NAALADL2: variants seen among roughly 807,000 people sequenced by gnomAD.
The protein encoded by NAALADL2 is N-acetylated alpha-linked acidic dipeptidase like 2, also known as inactive N-acetylated-alpha-linked acidic dipeptidase-like protein 2.
A neutral mutation model predicts 87.2 loss-of-function variants in NAALADL2; 76 were observed. That is an observed-to-expected ratio of 0.87 (90% CI 0.72 to 1.05). NAALADL2 has a LOEUF of 1.05. Ranked by LOEUF, NAALADL2 falls within the 50% of genes least tolerant of loss-of-function variation. The pLI is 0.00. For missense variants in NAALADL2, 1,089 were observed against 945.8 expected, an observed-to-expected ratio of 1.15 and a Z score of -1.99; for synonymous variants, 354 against 331.0, an observed-to-expected ratio of 1.07 and a Z score of -0.75.
At chr3:175,013,119 T>TATGTATTATATATTTATATATAAATA (rs1553916747) in intron 1 of NAALADL2, among the ~76,000 whole-genome samples, 1 of 23,592 alleles carries the variant, frequency 4.2e-5, no homozygotes, top group African/African-American at 1.7e-4. Flanking sequence ...TATATATAAA[T>TATGTATTATATATTTATATATAAATA]ATACATATTT....
intron 3 of NAALADL2, among the ~76,000 whole-genome samples, chr3:174,832,725 C>T (rs1286469627): frequency 6.6e-6 from 1 of 152,154 alleles, no homozygotes; most frequent in Non-Finnish European, 1.5e-5. Context: ...CTCAGCCTCC[C>T]AAAGTGCTGG....
At chr3:174,486,996 C>A (rs142506049) in intron 1 of NAALADL2, among the ~76,000 whole-genome samples, 4 of 151,814 alleles carry the variant, frequency 2.6e-5, no homozygotes, top group Non-Finnish European at 4.4e-5. Flanking sequence ...CTATCAGAGG[C>A]CTTTTTTGGT....
At chr3:175,250,785 A>T (rs1264101556) in intron 3 of NAALADL2, among the ~76,000 whole-genome samples, 1 of 152,206 alleles carries the variant, frequency 6.6e-6, no homozygotes, top group African/African-American at 2.4e-5. Flanking sequence ...ATAGGATATT[A>T]TATGCAATGT....
chr3:175,246,433 G>C (rs921260631), intron 3 of NAALADL2, among the ~76,000 whole-genome samples: 18 of 152,160 alleles, frequency 1.2e-4, no homozygotes, highest in African/African-American at 3.6e-4. Flanking sequence ...CTCTCTTAGA[G>C]AACGAGAAAG....
At chr3:175,678,908 T>A (rs977247094) in intron 11 of NAALADL2, among the ~76,000 whole-genome samples, 7 of 152,154 alleles carry the variant, frequency 4.6e-5, no homozygotes, top group Non-Finnish European at 2.9e-5. Flanking sequence ...GCAACAAGGC[T>A]GTTCATTTCA....
At chr3:175,010,083 A>C (rs1749579303) in intron 1 of NAALADL2, among the ~76,000 whole-genome samples, 1 of 151,530 alleles carries the variant, frequency 6.6e-6, no homozygotes, top group South Asian at 2.1e-4. Flanking sequence ...TGTGTTTATA[A>C]TTGTGGGGTG....
At chr3:175,074,492 A>AT (rs1321698835) in intron 1 of NAALADL2, among the ~76,000 whole-genome samples, 2 of 151,954 alleles carry the variant, frequency 1.3e-5, no homozygotes, top group African/African-American at 4.8e-5. Context: ...TTGTTATTGA[A>AT]TTTTTTTGAA....
chr3:175,654,412 T>A (rs1389081294), intron 11 of NAALADL2, among the ~76,000 whole-genome samples: 1 of 152,318 alleles, frequency 6.6e-6, no homozygotes, highest in South Asian at 2.1e-4. Context: ...TAAGCCAAAC[T>A]TTTTTCTAAA....
At chr3:175,048,475 A>G (rs892838013) in intron 1 of NAALADL2, among the ~76,000 whole-genome samples, 2 of 150,670 alleles carry the variant, frequency 1.3e-5, no homozygotes, top group African/African-American at 4.9e-5. Context: ...ATTTGAAGCC[A>G]TCATTGAAAG....
At chr3:174,834,005 A>C (rs959104468) in intron 3 of NAALADL2, among the ~76,000 whole-genome samples, 31 of 150,742 alleles carry the variant, frequency 2.1e-4, no homozygotes, top group Non-Finnish European at 3.3e-4. Context: ...CAAAATGTCT[A>C]CTCTCTCAAT....
chr3:175,362,064 C>A lies in NAALADL2; in HGVS notation c.1090+37739C>A, dbSNP rs986322177. 4.0e-5 allele frequency among the ~76,000 whole-genome samples: 6 copies of A among 148,304 alleles called. 1 individual carries two copies. The highest frequency in any genetic ancestry group is 6.9e-5 in the Admixed American group (1 of 14,470). On this transcript the variant is annotated intron_variant, in intron 5 of 13. Coordinates refer to ENST00000454872, the MANE Select transcript of NAALADL2 (RefSeq NM_207015.3). ...TTTGTATAAGGTGTAAGGAAGGGAT[C>A]CAGTTTCAGCTTTCTACATATGGCT...
In NAALADL2 at chr3:175,043,236, A is replaced by G. The variant is rs538202446; in HGVS notation, c.44-53554A>G. On this transcript the variant is annotated intron_variant, in intron 1 of 13. Transcript: ENST00000454872. ...ATTTGATTTTTTGCCATTGAGCTAT[A>G]TTATTTCTTTGTATGTTTTGGATAT... Among the ~76,000 whole-genome samples, 6 of 152,042 alleles carry G rather than the reference A, an allele frequency of 3.9e-5. No individual in the cohort carries two copies. The East Asian group carries it at 1.2e-3, about 29-fold the overall frequency.
At chr3:175,067,615 A>T (rs544214838) in intron 1 of NAALADL2, among the ~76,000 whole-genome samples, 252 of 152,230 alleles carry the variant, frequency 1.7e-3, no homozygotes, top group African/African-American at 5.8e-3. Context: ...GGCTGCAGAG[A>T]AAAAGGAATG....
At chr3:175,153,461 T>A (rs1023661507) in intron 2 of NAALADL2, among the ~76,000 whole-genome samples, 2 of 152,156 alleles carry the variant, frequency 1.3e-5, no homozygotes, top group African/African-American at 4.8e-5. Context: ...AGGATGCAGC[T>A]CTTCATATAC....
chr3:175,614,014 A>G (rs1356551156), intron 10 of NAALADL2, among the ~76,000 whole-genome samples: 1 of 152,170 alleles, frequency 6.6e-6, no homozygotes, highest in Non-Finnish European at 1.5e-5. Context: ...ACAATATCCC[A>G]CAATATACTG....
intron 2 of NAALADL2, among the ~76,000 whole-genome samples, chr3:175,146,290 AAAGAG>A (rs1391221067): frequency 6.6e-6 from 1 of 152,138 alleles, no homozygotes; most frequent in African/African-American, 2.4e-5. Flanking sequence ...TACCCAGAAA[AAAGAG>A]AAGGACTGTG....
At chr3:174,815,809 A>C (rs1328080064) in intron 3 of NAALADL2, among the ~76,000 whole-genome samples, 1 of 150,750 alleles carries the variant, frequency 6.6e-6, no homozygotes, top group African/African-American at 2.4e-5. Context: ...CAGAAACTGA[A>C]AGCAGCTAAA....
chr3:174,944,499 A>T (rs1468804094), intron 1 of NAALADL2, among the ~76,000 whole-genome samples: 1 of 152,168 alleles, frequency 6.6e-6, no homozygotes, highest in East Asian at 1.9e-4. Flanking sequence ...ATTCCAAGCC[A>T]GTCTTATCCT....
chr3:175,125,381 C>G (rs774970683), intron 2 of NAALADL2, among the ~76,000 whole-genome samples: 3 of 151,824 alleles, frequency 2.0e-5, no homozygotes, highest in Non-Finnish European at 4.4e-5. Flanking sequence ...TACAAGATCA[C>G]TCTACTACTT....
Sources: gnomAD v4.1 joint callset for allele counts (sites outside exome capture counted in the v4.1 genomes callset) on GRCh38, gnomAD v4.1.1 for gene constraint, MANE v1.5 for transcripts, NCBI Gene and HGNC (gene_info 2026-07-23, HGNC 2026-07-21) for gene names.